PRR5: variants seen among roughly 807,000 people sequenced by gnomAD.
The protein encoded by PRR5 is proline rich 5, also known as proline-rich protein 5.
PRR5 carries 25 observed loss-of-function variants against 30.6 expected under a neutral mutation model. The observed-to-expected ratio is 0.82, with a 90% CI of 0.60 to 1.14. The LOEUF is 1.14. Among genes scored for constraint, PRR5 ranks in the 50% most tolerant of loss-of-function variants. PRR5 has a pLI of 0.00. For missense variants in PRR5, 600 were observed against 547.1 expected (o/e 1.10, Z -0.96); for synonymous variants, 286 against 247.1 (o/e 1.16, Z -1.48).
chr22:44,714,819 C>G (rs1040671478), intron 2 of PRR5, 148 bp downstream of exon 2: 157 of 1,147,360 alleles, frequency 1.4e-4, no homozygotes, highest in Non-Finnish European at 1.8e-4. Flanking sequence ...GAGCGAGGCC[C>G]AAGTTAGCAG....
chr22:44,716,522 A>C (rs1006217863), intron 2 of PRR5, among the ~76,000 whole-genome samples: 3 of 152,180 alleles, frequency 2.0e-5, no homozygotes, highest in Non-Finnish European at 2.9e-5. Flanking sequence ...ATATGTGTTA[A>C]CGTTTTTTAA....
intron 1 of PRR5, among the ~76,000 whole-genome samples, chr22:44,708,400 G>T (rs1437121106): frequency 6.6e-6 from 1 of 152,118 alleles, no homozygotes; most frequent in Non-Finnish European, 1.5e-5. Flanking sequence ...GGCTTCCATA[G>T]CTAGGGTCAG....
intron 1 of PRR5, among the ~76,000 whole-genome samples, chr22:44,712,442 G>T (rs1015758310): frequency 6.6e-6 from 1 of 152,196 alleles, no homozygotes; most frequent in Non-Finnish European, 1.5e-5. Flanking sequence ...CTGCGCCAGC[G>T]AGGACAGGGA....
intron 1 of PRR5, among the ~76,000 whole-genome samples, chr22:44,678,645 A>G (rs998123572): frequency 6.6e-6 from 1 of 152,122 alleles, no homozygotes; most frequent in Non-Finnish European, 1.5e-5. Flanking sequence ...GCTGGAAGGC[A>G]TCCTTCTCTA....
intron 4 of PRR5, among the ~76,000 whole-genome samples, chr22:44,728,411 G>A (rs913938633): frequency 6.6e-6 from 1 of 152,256 alleles, no homozygotes; most frequent in Non-Finnish European, 1.5e-5. Context: ...AGAGATGGAG[G>A]AGAACCTGGC....
intron 1 of PRR5, among the ~76,000 whole-genome samples, chr22:44,709,572 G>A (rs1927823564): frequency 6.6e-6 from 1 of 152,154 alleles, no homozygotes; most frequent in Non-Finnish European, 1.5e-5. Flanking sequence ...AGAACTTCCA[G>A]GCCAGGCGCA....
intron 4 of PRR5, among the ~76,000 whole-genome samples, chr22:44,727,689 C>T (rs557755428): frequency 8.1e-4 from 124 of 152,314 alleles, no homozygotes; most frequent in South Asian, 5.0e-3. Flanking sequence ...CCAGGTCTCC[C>T]TCTGACCCTG....
chr22:44,731,856 G>T, intron 5 of PRR5, 35 bp downstream of exon 5: 4 of 1,597,534 alleles, frequency 2.5e-6, no homozygotes, highest in South Asian at 1.1e-5. Context: ...GAAGCCCAGT[G>T]CCCCTGCTGT....
intron 2 of PRR5, 37 bp downstream of exon 2, chr22:44,714,708 G>A (rs1928786353): frequency 6.2e-7 from 1 of 1,611,352 alleles, no homozygotes; most frequent in African/African-American, 1.3e-5. Flanking sequence ...GGGTCCTTGA[G>A]TGGCAGGGAG....
At chr22:44,710,561 G>A (rs1035039063) in intron 1 of PRR5, among the ~76,000 whole-genome samples, 7 of 152,196 alleles carry the variant, frequency 4.6e-5, no homozygotes, top group African/African-American at 1.7e-4. Flanking sequence ...TCTGTTTTGG[G>A]AGATGACAGG....
intron 2 of PRR5, among the ~76,000 whole-genome samples, chr22:44,721,632 A>G (rs1929948899): frequency 6.6e-6 from 1 of 152,022 alleles, no homozygotes; most frequent in African/African-American, 2.4e-5. Context: ...CTTCCTTTGG[A>G]TTTAGTTCTA....
rs372013389 is a variant in PRR5 at position 44,691,723 on chromosome 22, G to A, written c.-10-10769G>A. On this transcript the variant is annotated intron_variant, in intron 1 of 8. Coordinates refer to the PRR5 transcript ENST00000006251. The surrounding 1 kb of genome is among the most constrained non-coding windows in gnomAD (Gnocchi z 4.4). ...TGGGAGGTAGAGGCTGCAGTGAGCC[G>A]AGATTGCACCACTGCATTCCAGCCT... 3.9e-5 allele frequency among the ~76,000 whole-genome samples: 6 copies of A among 152,164 alleles called. No individual in the cohort carries two copies. The East Asian group carries it at 7.7e-4, about 20-fold the overall frequency.
chr22:44,731,892 GGGGGGCCGCCAGGCTT>G, intron 5 of PRR5, 71 bp downstream of exon 5: 1 of 1,489,690 alleles, frequency 6.7e-7, no homozygotes, highest in South Asian at 1.2e-5. Flanking sequence ...ACTCTACAGA[GGGGGGCCGCCAGGCTT>G]GGGGACACAC....
intron 1 of PRR5, among the ~76,000 whole-genome samples, chr22:44,670,529 G>A (rs1569056693): frequency 6.6e-6 from 1 of 152,174 alleles, no homozygotes; most frequent in Non-Finnish European, 1.5e-5. Context: ...AAGAAGTGTG[G>A]TACCCCACGT....
chr22:44,713,824 G>A (rs1311855899), intron 1 of PRR5, among the ~76,000 whole-genome samples: 1 of 152,204 alleles, frequency 6.6e-6, no homozygotes, highest in Non-Finnish European at 1.5e-5. Flanking sequence ...GTTTTTTTGA[G>A]ACGGACTGTT....
chr22:44,680,300 G>C lies in PRR5; in HGVS notation c.-11+3060G>C, dbSNP rs564020960. ...AAATGGGCAGAAGAGCACCTGCCCC[G>C]TGGCTTCCTGTGAGGATGTATAGAA... is the stretch of plus-strand genomic sequence containing the variant. On this transcript the variant is annotated intron_variant, in intron 1 of 8. Coordinates refer to the PRR5 transcript ENST00000006251. 1.6e-3 allele frequency among the ~76,000 whole-genome samples: 240 copies of C among 152,224 alleles called. 3 individuals are homozygous for C. The highest frequency in any genetic ancestry group is 0.013 in the Admixed American group (203 of 15,286).
chr22:44,736,256 A>G (rs1369403787), intron 7 of PRR5, among the ~76,000 whole-genome samples: 1 of 152,170 alleles, frequency 6.6e-6, no homozygotes, highest in Non-Finnish European at 1.5e-5. Context: ...CCAGGATGGA[A>G]TCCCCGCCTT....
Position 44,726,610 on chromosome 22 carries a change from C to T in PRR5, c.298C>T (p.Arg100Trp), listed in dbSNP as rs201344303. 1.0e-4 allele frequency: 168 copies of T among 1,614,136 alleles called. 1 individual carries two copies. The highest frequency in any genetic ancestry group is 4.9e-4 in the Middle Eastern group (3 of 6,062). The change falls in exon 4 of 8, where the codon CGG becomes TGG. Residue 100 changes from arginine to tryptophan, a missense_variant. Coordinates refer to ENST00000336985, the MANE Select transcript of PRR5 (RefSeq NM_181333.4). ...GCTGACAAAAGGCATGGTGATCCTT[C>T]GGGACAAGATTCGCTTCTATGAGGG... ...QLLTKGMVIL[R>W]DKIRFYEGQK...
At chr22:44,720,681 C>T (rs1224587632) in intron 2 of PRR5, among the ~76,000 whole-genome samples, 1 of 152,212 alleles carries the variant, frequency 6.6e-6, no homozygotes, top group Non-Finnish European at 1.5e-5. Flanking sequence ...GCCACTCATC[C>T]TCAGCCTGTG....
Sources: allele counts gnomAD v4.1 joint callset (sites outside exome capture counted in the v4.1 genomes callset), GRCh38; gene constraint gnomAD v4.1.1; non-coding constraint Gnocchi (gnomAD v3.1); transcripts MANE v1.5; gene names NCBI Gene and HGNC (gene_info 2026-07-23, HGNC 2026-07-21).